Variants in DENND5A observed in about 807,000 individuals in gnomAD.
DENND5A encodes the protein DENN domain-containing protein 5A.
A neutral mutation model predicts 140.3 loss-of-function variants in DENND5A; 64 were observed. That is an observed-to-expected ratio of 0.46 (90% CI 0.37 to 0.56). The LOEUF is 0.56. Among genes scored for constraint, DENND5A ranks in the 20% least tolerant of loss-of-function variants. The probability of loss-of-function intolerance (pLI) is 0.00; values close to 1 mark genes in which losing one functional copy is unlikely to be tolerated. For synonymous variants in DENND5A, 605 were observed against 607.7 expected (o/e 1.00, Z 0.07); for missense variants, 1,292 against 1,593.8 (o/e 0.81, Z 3.22).
intron 14 of DENND5A, 30 bp from the exon 15 acceptor site, chr11:9,150,239 G>C (rs1847571367): frequency 1.2e-6 from 2 of 1,609,688 alleles, no homozygotes; most frequent in Non-Finnish European, 1.7e-6. Context: ...AGGAAGTGGA[G>C]GGTGGGATGG....
At chr11:9,189,510 C>T (rs1236750670) in intron 5 of DENND5A, among the ~76,000 whole-genome samples, 4 of 152,132 alleles carry the variant, frequency 2.6e-5, no homozygotes, top group African/African-American at 7.2e-5. Flanking sequence ...AGACACTCAA[C>T]GCCAGCCCAT....
intron 12 of DENND5A, among the ~76,000 whole-genome samples, chr11:9,156,860 G>A (rs1309067266): frequency 7.2e-6 from 1 of 138,194 alleles, no homozygotes; most frequent in Non-Finnish European, 1.6e-5. Flanking sequence ...CAGAGGGATG[G>A]AAGGATGGAT....
Position 9,178,287 on chromosome 11 carries a change from A to G in DENND5A, c.1751T>C (p.Phe584Ser). The change falls in exon 8 of 23, where the codon TTC becomes TCC. Residue 584 changes from phenylalanine to serine, a missense_variant. Phe to Ser is a radical substitution (Grantham distance 155, BLOSUM62 -2). Around this residue, in one of 4 missense-constraint regions of DENND5A, gnomAD observed 199 missense variants for 189.1 expected, o/e 1.05. Coordinates refer to ENST00000328194, the MANE Select transcript of DENND5A (RefSeq NM_015213.4). ...ATGACACATTATTTTGTTGTCAATGAAAGATGCAAACATCTGGGTCTCCAG... is the reference window on the plus strand; with the variant it reads ...ATGACACATTATTTTGTTGTCAATGGAAGATGCAAACATCTGGGTCTCCAG... ...RFLETQMFAS[F>S]IDNKIMCHDD... The G allele has an allele frequency of 6.2e-7, 1 of 1,614,070 alleles. No individual in the cohort carries two copies. Among genetic ancestry groups the G allele is most frequent in the Non-Finnish European group, 8.5e-7 (1 of 1,179,932 alleles).
At chr11:9,172,707 G>A (rs1848410837) in intron 8 of DENND5A, among the ~76,000 whole-genome samples, 1 of 152,192 alleles carries the variant, frequency 6.6e-6, no homozygotes, top group Non-Finnish European at 1.5e-5. Flanking sequence ...GCGGAACTGA[G>A]TCAATTAAAC....
chr11:9,203,263 T>C (rs1388399578), intron 4 of DENND5A, among the ~76,000 whole-genome samples: 3 of 152,188 alleles, frequency 2.0e-5, no homozygotes, highest in Admixed American at 6.5e-5. Context: ...ATTTTCTCAA[T>C]ATATAAAGGA....
chr11:9,209,061 T>C (rs1849784803), intron 1 of DENND5A, among the ~76,000 whole-genome samples: 2 of 152,360 alleles, frequency 1.3e-5, no homozygotes, highest in East Asian at 1.9e-4. Context: ...AAGATAACTG[T>C]TTCTTCCTCC....
intron 11 of DENND5A, 123 bp downstream of exon 11, chr11:9,165,713 C>T (rs1167029457): frequency 2.5e-6 from 3 of 1,202,960 alleles, no homozygotes; most frequent in South Asian, 1.4e-5. Context: ...GGATTACAGG[C>T]ATGAGCCATC....
intron 1 of DENND5A, among the ~76,000 whole-genome samples, chr11:9,264,532 T>G (rs1465943898): frequency 6.6e-6 from 1 of 152,148 alleles, no homozygotes; most frequent in African/African-American, 2.4e-5. Context: ...TATCACAAGC[T>G]TCTTGGGAAG....
intron 4 of DENND5A, among the ~76,000 whole-genome samples, chr11:9,194,870 CCACCGCA>C (rs928487326): frequency 2.6e-5 from 4 of 151,144 alleles, no homozygotes; most frequent in African/African-American, 9.7e-5. Flanking sequence ...CAGGTGCCCA[CCACCGCA>C]CCTGGCTAAT....
At chr11:9,257,854 G>A (rs1852018353) in intron 1 of DENND5A, among the ~76,000 whole-genome samples, 1 of 146,434 alleles carries the variant, frequency 6.8e-6, no homozygotes, top group African/African-American at 2.5e-5. Context: ...GTGCAGTGAC[G>A]CCATCTTGGC....
At position 9,178,841 on chromosome 11, in the gene DENND5A, A is replaced by G. The variant is rs768428529; in HGVS notation, c.1671+17T>C. 1.2e-6 allele frequency: 2 copies of G among 1,605,002 alleles called. No homozygotes were observed. The highest frequency in any genetic ancestry group is 2.2e-5 in the East Asian group (1 of 44,798). Reference sequence around the variant, plus strand: ...AGTTCTCATTCCTCACCACCTCCCAAGCAGGATTACACTCACTTTATCAAA... The same window carrying G: ...AGTTCTCATTCCTCACCACCTCCCAGGCAGGATTACACTCACTTTATCAAA... On this transcript the variant is annotated intron_variant, in intron 7 of 22. Coordinates refer to ENST00000328194, the MANE Select transcript of DENND5A (RefSeq NM_015213.4).
At chr11:9,211,823 T>C (rs1367909212) in intron 1 of DENND5A, among the ~76,000 whole-genome samples, 1 of 148,482 alleles carries the variant, frequency 6.7e-6, no homozygotes, top group African/African-American at 2.5e-5. Context: ...TCCCAGTTAC[T>C]GGGGAGGCTG....
rs775034386 is a variant in DENND5A at position 9,169,756 on chromosome 11, G to C, written c.2151+100C>G. On this transcript the variant is annotated intron_variant, in intron 10 of 22. Coordinates refer to ENST00000328194, the MANE Select transcript of DENND5A (RefSeq NM_015213.4). ...CCCTTCTTTATGGGGTGAGGTCATT[G>C]CTGAGACGTTTGAATCAGACCAGAG... 6.1e-4 allele frequency: 473 copies of C among 779,414 alleles called. 2 individuals carry two copies. The highest frequency in any genetic ancestry group is 9.7e-4 in the Non-Finnish European group (433 of 448,278). The allele number at this position is 779,414 out of a possible 1,614,324, so 48.3% of individuals were successfully genotyped here. A position where few individuals can be genotyped will look rare whatever the true frequency, so the allele number is the denominator to read the frequency against.
In DENND5A at chr11:9,143,472, C is replaced by T. The variant is rs745414271; in HGVS notation, c.3318G>A (p.Gly1106=). The change falls in exon 20 of 23, where the codon GGG becomes GGA. Residue 1106 remains glycine (G), a synonymous_variant. Transcript: ENST00000328194. ...CCTCCCCGATGGACTCCTGGATCTGCCCAGTGTTCAGCTCTAATAAAAATC... is the reference window on the plus strand; with the variant it reads ...CCTCCCCGATGGACTCCTGGATCTGTCCAGTGTTCAGCTCTAATAAAAATC... ...SPNNKPKLNT[G]QIQESIGEAV... 2.5e-6 allele frequency: 4 copies of T among 1,613,986 alleles called. No homozygotes were observed. The highest frequency in any genetic ancestry group is 3.4e-6 in the Non-Finnish European group (4 of 1,179,844).
chr11:9,222,302 A>ATC (rs10622351), intron 1 of DENND5A, among the ~76,000 whole-genome samples: 93,916 of 151,746 alleles, frequency 0.62, 29,649 homozygotes, highest in African/African-American at 0.72. Flanking sequence ...AAAAGACAGT[A>ATC]TCTTTTTTAA....
At chr11:9,224,284 T>C (rs771731834) in intron 1 of DENND5A, among the ~76,000 whole-genome samples, 8 of 152,044 alleles carry the variant, frequency 5.3e-5, no homozygotes, top group Non-Finnish European at 1.2e-4. Context: ...TGAGAAAGCT[T>C]GGGGGTCTAG....
At chr11:9,258,819 AAGGGTGC>A (rs1852065681) in intron 1 of DENND5A, among the ~76,000 whole-genome samples, 1 of 152,192 alleles carries the variant, frequency 6.6e-6, no homozygotes, top group African/African-American at 2.4e-5. Context: ...TATAATTGCA[AAGGGTGC>A]TTTCATGTTA....
intron 17 of DENND5A, 102 bp from the exon 18 acceptor site, chr11:9,145,215 T>A (rs1847386887): frequency 6.0e-6 from 5 of 827,814 alleles, no homozygotes; most frequent in Non-Finnish European, 1.0e-5. Flanking sequence ...ACCTGACCCC[T>A]CAGCATCTGC....
At chr11:9,230,834 A>C (rs1411390145) in intron 1 of DENND5A, among the ~76,000 whole-genome samples, 3 of 151,968 alleles carry the variant, frequency 2.0e-5, no homozygotes, top group Non-Finnish European at 1.5e-5. Flanking sequence ...TCTACAAAGA[A>C]ATAGAAAAAT....
Sources: gnomAD v4.1 joint callset for allele counts (sites outside exome capture counted in the v4.1 genomes callset) on GRCh38, gnomAD v4.1.1 for gene constraint, gnomAD v4.1.1 regional missense constraint, MANE v1.5 for transcripts, NCBI Gene and HGNC (gene_info 2026-07-23, HGNC 2026-07-21) for gene names.